Variants in ACYP2 observed in about 807,000 individuals in gnomAD.
The protein encoded by ACYP2 is acylphosphatase-2.
A neutral mutation model predicts 11.2 loss-of-function variants in ACYP2; 12 were observed. That is an observed-to-expected ratio of 1.08 (90% CI 0.69 to 1.74). ACYP2 has a LOEUF of 1.74. Among genes scored for constraint, ACYP2 ranks in the 40% most tolerant of loss-of-function variants. The pLI is 0.00. For missense variants in ACYP2, 134 were observed against 101.9 expected, an observed-to-expected ratio of 1.31 and a Z score of -1.35; for synonymous variants, 43 against 32.2, an observed-to-expected ratio of 1.33 and a Z score of -1.13.
chr2:54,131,890 C>G (rs1320681356), intron 4 of ACYP2, among the ~76,000 whole-genome samples: 3 of 152,132 alleles, frequency 2.0e-5, no homozygotes, highest in Non-Finnish European at 4.4e-5. Flanking sequence ...ATTTCTGTTC[C>G]TTGGAGGAGG....
chr2:54,081,596 G>C (rs145840543), intron 4 of ACYP2, among the ~76,000 whole-genome samples: 4 of 152,150 alleles, frequency 2.6e-5, no homozygotes, highest in Non-Finnish European at 5.9e-5. Flanking sequence ...AGCACACCCC[G>C]TAATGCTTGC....
chr2:54,222,160 GCTTGAGTTTTAGGA>G (rs908920502), intron 6 of ACYP2, among the ~76,000 whole-genome samples: 6 of 152,172 alleles, frequency 3.9e-5, no homozygotes, highest in African/African-American at 1.4e-4. Flanking sequence ...CTAGGAAAGG[GCTTGAGTTTTAGGA>G]CTTGACCCAA....
intron 4 of ACYP2, among the ~76,000 whole-genome samples, chr2:54,117,529 G>A (rs1042374995): frequency 9.9e-5 from 15 of 152,168 alleles, no homozygotes; most frequent in Non-Finnish European, 1.5e-4. Context: ...CTGGCTTCAA[G>A]GGATCCTCCT....
intron 6 of ACYP2, among the ~76,000 whole-genome samples, chr2:54,203,964 C>G (rs1684962007): frequency 6.6e-6 from 1 of 152,166 alleles, no homozygotes; most frequent in Non-Finnish European, 1.5e-5. Flanking sequence ...CATAAACTGT[C>G]TTAAAACATT....
At chr2:54,169,379 C>T (rs903348638) in intron 6 of ACYP2, among the ~76,000 whole-genome samples, 1 of 152,136 alleles carries the variant, frequency 6.6e-6, no homozygotes, top group Non-Finnish European at 1.5e-5. Flanking sequence ...ATGGACATTA[C>T]TGAAATAAAT....
At chr2:54,168,025 AT>A (rs1308928734) in intron 6 of ACYP2, among the ~76,000 whole-genome samples, 1 of 152,162 alleles carries the variant, frequency 6.6e-6, no homozygotes, top group Non-Finnish European at 1.5e-5. Context: ...TATTACTGTC[AT>A]TTTTTATAAA....
chr2:54,232,050 C>G (rs1056607079), intron 6 of ACYP2, among the ~76,000 whole-genome samples: 1 of 152,166 alleles, frequency 6.6e-6, no homozygotes, highest in Non-Finnish European at 1.5e-5. Context: ...AATTATGGCA[C>G]TTTATGTCAT....
intron 6 of ACYP2, among the ~76,000 whole-genome samples, chr2:54,290,685 C>G (rs1272685488): frequency 6.6e-6 from 1 of 152,026 alleles, no homozygotes; most frequent in Non-Finnish European, 1.5e-5. Context: ...CATCCCCCAA[C>G]CCCAACTCAA....
intron 6 of ACYP2, among the ~76,000 whole-genome samples, chr2:54,294,783 G>GCA (rs1211135708): frequency 6.6e-6 from 1 of 151,880 alleles, no homozygotes; most frequent in Non-Finnish European, 1.5e-5. Flanking sequence ...AGGTGTGGTG[G>GCA]CACACATTTA....
intron 6 of ACYP2, among the ~76,000 whole-genome samples, chr2:54,200,904 C>T (rs1274726817): frequency 5.3e-5 from 8 of 152,092 alleles, no homozygotes; most frequent in Non-Finnish European, 1.2e-4. Context: ...TTCTCTACAT[C>T]CTCACCAACA....
At chr2:54,166,549 T>A (rs1682983332) in intron 6 of ACYP2, among the ~76,000 whole-genome samples, 2 of 152,170 alleles carry the variant, frequency 1.3e-5, no homozygotes. Context: ...ACTGTGACTT[T>A]AAAAAAATTG....
chr2:53,991,879 G>A (rs1298677892), intron 2 of ACYP2, among the ~76,000 whole-genome samples: 5 of 151,990 alleles, frequency 3.3e-5, no homozygotes, highest in Non-Finnish European at 7.4e-5. Flanking sequence ...ATAGGGTACT[G>A]CAGACTCGAG....
intron 6 of ACYP2, among the ~76,000 whole-genome samples, chr2:54,221,448 G>A (rs983513735): frequency 6.6e-6 from 1 of 150,610 alleles, no homozygotes; most frequent in African/African-American, 2.4e-5. Flanking sequence ...CTTAAAACAC[G>A]AATTATAAAA....
chr2:54,059,779 A>G (rs994680064), intron 4 of ACYP2, among the ~76,000 whole-genome samples: 2 of 152,212 alleles, frequency 1.3e-5, no homozygotes, highest in African/African-American at 4.8e-5. Flanking sequence ...GCAAGAGTGC[A>G]TGGATGCCTT....
chr2:54,301,060 T>A (rs1330583025), intron 6 of ACYP2, among the ~76,000 whole-genome samples: 1 of 152,238 alleles, frequency 6.6e-6, no homozygotes, highest in African/African-American at 2.4e-5. Context: ...TACATATTGG[T>A]AATATACCAT....
At chr2:54,090,851 A>G (rs541004899) in intron 4 of ACYP2, among the ~76,000 whole-genome samples, 1 of 152,134 alleles carries the variant, frequency 6.6e-6, no homozygotes, top group African/African-American at 2.4e-5. Context: ...CTGACTCTTG[A>G]GATCTGTTAG....
chr2:54,112,686 A>T (rs1391772880), intron 4 of ACYP2, among the ~76,000 whole-genome samples: 1 of 152,250 alleles, frequency 6.6e-6, no homozygotes, highest in Non-Finnish European at 1.5e-5. Flanking sequence ...AAAGAAGAAT[A>T]AAAGTTGCAT....
intron 6 of ACYP2, chr2:54,255,373 G>C: frequency 6.2e-7 from 1 of 1,614,132 alleles, no homozygotes; most frequent in Non-Finnish European, 8.5e-7. Flanking sequence ...AGACAGCTGT[G>C]GGTGGTGGCG....
At chr2:54,213,636 A>G (rs1685426058) in intron 6 of ACYP2, among the ~76,000 whole-genome samples, 1 of 152,126 alleles carries the variant, frequency 6.6e-6, no homozygotes, top group African/African-American at 2.4e-5. Flanking sequence ...ATGAGGTGGT[A>G]TCTCATTGTG....
Sources: allele counts gnomAD v4.1 joint callset (sites outside exome capture counted in the v4.1 genomes callset), GRCh38; gene constraint gnomAD v4.1.1; transcripts MANE v1.5; gene names NCBI Gene and HGNC (gene_info 2026-07-23, HGNC 2026-07-21).